Variants in C10orf90 observed in about 807,000 individuals in gnomAD.
C10orf90 encodes chromosome 10 open reading frame 90, also known as (E2-independent) E3 ubiquitin-conjugating enzyme FATS.
A neutral mutation model predicts 62.5 loss-of-function variants in C10orf90; 56 were observed. That is an observed-to-expected ratio of 0.90 (90% CI 0.72 to 1.12). The LOEUF (loss-of-function observed/expected upper bound fraction) is 1.12, where lower values mean the gene tolerates loss of function less well. Ranked by LOEUF, C10orf90 falls within the 50% of genes most tolerant of loss-of-function variation. The pLI is 0.00. For synonymous variants in C10orf90, 386 were observed against 340.4 expected (o/e 1.13, Z -1.47); for missense variants, 970 against 880.4 (o/e 1.10, Z -1.29).
chr10:126,598,875 G>A (rs996099428), intron 2 of C10orf90, among the ~76,000 whole-genome samples: 11 of 151,904 alleles, frequency 7.2e-5, no homozygotes, highest in Admixed American at 2.6e-4. Context: ...TCCTTTTTTC[G>A]TCCTTCTTTC....
chr10:126,513,548 G>A (rs186052261), intron 3 of C10orf90, among the ~76,000 whole-genome samples: 33 of 152,118 alleles, frequency 2.2e-4, no homozygotes, highest in Admixed American at 5.2e-4. Flanking sequence ...TACCTCTTTC[G>A]CATCTTCAAA....
intron 2 of C10orf90, among the ~76,000 whole-genome samples, chr10:126,629,444 G>T (rs1260018340): frequency 6.6e-6 from 1 of 152,164 alleles, no homozygotes; most frequent in African/African-American, 2.4e-5. Flanking sequence ...CCTCCTCCCT[G>T]ATGCACAGCA....
intron 2 of C10orf90, among the ~76,000 whole-genome samples, chr10:126,557,558 G>A (rs944435419): frequency 8.6e-5 from 13 of 151,556 alleles, no homozygotes; most frequent in Non-Finnish European, 1.8e-4. Context: ...ACACTGCCCG[G>A]ATTTGAGGTC....
chr10:126,459,405 C>T (rs1859807690), intron 6 of C10orf90, among the ~76,000 whole-genome samples, 188 bp from the exon 7 acceptor site: 1 of 152,264 alleles, frequency 6.6e-6, no homozygotes, highest in Non-Finnish European at 1.5e-5. Flanking sequence ...GTTGACAACA[C>T]AGGTCCTGGG....
intron 2 of C10orf90, among the ~76,000 whole-genome samples, chr10:126,561,075 C>T (rs1301026028): frequency 1.3e-5 from 2 of 149,072 alleles, no homozygotes; most frequent in Non-Finnish European, 3.0e-5. Flanking sequence ...TGCATCCCTC[C>T]ACTTCCTGTC....
At chr10:126,517,351 C>T (rs2133929413) in intron 2 of C10orf90, among the ~76,000 whole-genome samples, 1 of 152,236 alleles carries the variant, frequency 6.6e-6, no homozygotes, top group East Asian at 1.9e-4. Context: ...AGAAATTGCC[C>T]TGGTTAAAGA....
At chr10:126,430,876 TAGAC>T (rs1282857867) in intron 7 of C10orf90, among the ~76,000 whole-genome samples, 1 of 152,170 alleles carries the variant, frequency 6.6e-6, no homozygotes, top group Non-Finnish European at 1.5e-5. Flanking sequence ...GGCTTGAGAA[TAGAC>T]AGAATTTTCT....
intron 4 of C10orf90, among the ~76,000 whole-genome samples, chr10:126,485,899 T>A (rs7079997): frequency 0.61 from 91,896 of 151,230 alleles, 28,827 homozygotes; most frequent in African/African-American, 0.78. Flanking sequence ...GTGAGGCGAG[T>A]TCGCGCCACT....
At chr10:126,492,358 T>C (rs1717936940) in intron 4 of C10orf90, among the ~76,000 whole-genome samples, 3 of 152,298 alleles carry the variant, frequency 2.0e-5, no homozygotes, top group South Asian at 2.1e-4. Context: ...CAGCCCACAA[T>C]GTGAATAGCA....
intron 2 of C10orf90, among the ~76,000 whole-genome samples, chr10:126,639,945 T>C (rs879642451): frequency 6.6e-6 from 1 of 152,102 alleles, no homozygotes; most frequent in Admixed American, 6.6e-5. Flanking sequence ...TGAAGCAGAG[T>C]AGAAGATGGC....
Position 126,459,078 on chromosome 10 carries a change from G to A in C10orf90, c.2150C>T (p.Thr717Ile). Residue 717 changes from threonine to isoleucine, a missense_variant, in exon 7 of 10, where the codon ACC becomes ATC. Transcript: ENST00000488181. The stretch of plus-strand genomic sequence containing the variant: ...GGGAATCGTGAACTGCTTCTTGCTG[G>A]TGCGGATGGGAAGGAGGCTCTGCTT... ...RQKQSLLPIR[T>I]SKKQFTIPHP... 4 of 1,613,784 alleles carry A rather than the reference G, an allele frequency of 2.5e-6. No homozygotes were observed. The highest frequency in any genetic ancestry group is 2.5e-6 in the Non-Finnish European group (3 of 1,180,026).
chr10:126,630,120 T>C (rs1845823484), intron 2 of C10orf90, among the ~76,000 whole-genome samples: 1 of 152,212 alleles, frequency 6.6e-6, no homozygotes, highest in Non-Finnish European at 1.5e-5. Context: ...CCATATTTCA[T>C]CTTCTTGATG....
chr10:126,613,390 C>T (rs994580918), intron 2 of C10orf90, among the ~76,000 whole-genome samples: 12 of 152,066 alleles, frequency 7.9e-5, no homozygotes, highest in African/African-American at 2.9e-4. Context: ...ACATGTGCCA[C>T]CATACCCAGC....
chr10:126,631,403 C>T (rs972367998), intron 2 of C10orf90, among the ~76,000 whole-genome samples: 9 of 152,148 alleles, frequency 5.9e-5, no homozygotes, highest in Non-Finnish European at 7.3e-5. Flanking sequence ...GACAGCTGCC[C>T]CTTGCCCTGC....
chr10:126,486,527 G>T (rs1421463950), intron 4 of C10orf90, among the ~76,000 whole-genome samples: 1 of 152,036 alleles, frequency 6.6e-6, no homozygotes, highest in East Asian at 1.9e-4. Flanking sequence ...AAAAATATTA[G>T]TTTATGTCCT....
chr10:126,588,651 GCAA>G (rs201934173), intron 2 of C10orf90, among the ~76,000 whole-genome samples: 3 of 152,120 alleles, frequency 2.0e-5, no homozygotes, highest in South Asian at 2.1e-4. Context: ...AAAACAGAAA[GCAA>G]CAACAACAAC....
At chr10:126,430,613 A>G (rs142735629) in intron 7 of C10orf90, among the ~76,000 whole-genome samples, 220 of 152,310 alleles carry the variant, frequency 1.4e-3, no homozygotes, top group African/African-American at 4.3e-3. Flanking sequence ...AGGGTCTGGC[A>G]TATGTAAATG....
intron 1 of C10orf90, among the ~76,000 whole-genome samples, chr10:126,649,072 C>CTCTCTCTCTCT (rs1445649784): frequency 2.0e-5 from 1 of 49,892 alleles, no homozygotes; most frequent in Non-Finnish European, 3.8e-5. Context: ...CTCTCTCTCT[C>CTCTCTCTCTCT]CCCCCCCCCC....
intron 5 of C10orf90, among the ~76,000 whole-genome samples, chr10:126,463,872 A>C (rs1020506995): frequency 6.6e-6 from 1 of 152,224 alleles, no homozygotes; most frequent in Admixed American, 6.5e-5. Flanking sequence ...AGCATCTGGC[A>C]TACAGTAGGT....
Sources: allele counts gnomAD v4.1 joint callset (sites outside exome capture counted in the v4.1 genomes callset), GRCh38; gene constraint gnomAD v4.1.1; transcripts MANE v1.5; gene names NCBI Gene and HGNC (gene_info 2026-07-23, HGNC 2026-07-21).